The following PPEF2 variants were observed in gnomAD, a reference collection of about 807,000 sequenced individuals.
PPEF2 encodes serine/threonine-protein phosphatase with EF-hands 2.
PPEF2 carries 84 observed loss-of-function variants against 84.7 expected under a neutral mutation model. That is an observed-to-expected ratio of 0.99 (90% CI 0.83 to 1.19). The LOEUF (loss-of-function observed/expected upper bound fraction) is 1.19, where lower values mean the gene tolerates loss of function less well. Among genes scored for constraint, PPEF2 ranks in the 50% most tolerant of loss-of-function variants. The probability of loss-of-function intolerance (pLI) is 0.00; values close to 1 mark genes in which losing one functional copy is unlikely to be tolerated. For missense variants in PPEF2, 924 were observed against 937.5 expected (o/e 0.99, Z 0.19); for synonymous variants, 346 against 345.2 (o/e 1.00, Z -0.03).
chr4:75,878,535 A>T (rs1189796217), intron 10 of PPEF2, among the ~76,000 whole-genome samples: 1 of 152,250 alleles, frequency 6.6e-6, no homozygotes, highest in Non-Finnish European at 1.5e-5. Context: ...AGAACAAAGA[A>T]GGACACCCAG....
intron 1 of PPEF2, among the ~76,000 whole-genome samples, chr4:75,898,919 T>C (rs1578018913): frequency 6.6e-6 from 1 of 152,062 alleles, no homozygotes; most frequent in Non-Finnish European, 1.5e-5. Context: ...TTGTTAGATA[T>C]AGTCATGGTA....
At chr4:75,878,629 A>G (rs1422920784) in intron 10 of PPEF2, among the ~76,000 whole-genome samples, 1 of 152,208 alleles carries the variant, frequency 6.6e-6, no homozygotes, top group Non-Finnish European at 1.5e-5. Flanking sequence ...GACATTGGAC[A>G]AGCGTTAATC....
chr4:75,863,731 A>C (rs1724062493), intron 16 of PPEF2, among the ~76,000 whole-genome samples: 1 of 151,886 alleles, frequency 6.6e-6, no homozygotes, highest in African/African-American at 2.4e-5. Context: ...CTTCCTGTGA[A>C]TCTATAATTA....
intron 11 of PPEF2, among the ~76,000 whole-genome samples, chr4:75,874,123 CAAACAAATAAAT>C (rs1171152305): frequency 6.9e-5 from 7 of 101,158 alleles, no homozygotes; most frequent in African/African-American, 2.0e-4. Flanking sequence ...AACAAACAAA[CAAACAAATAAAT>C]AAATAAATAA....
intron 2 of PPEF2, among the ~76,000 whole-genome samples, chr4:75,894,999 G>A (rs531208309): frequency 6.6e-6 from 1 of 152,328 alleles, no homozygotes; most frequent in African/African-American, 2.4e-5. Context: ...CGGTCACCCA[G>A]GCTGGAGGGC....
chr4:75,890,550 C>T (rs1489292914), intron 4 of PPEF2, among the ~76,000 whole-genome samples: 5 of 151,144 alleles, frequency 3.3e-5, no homozygotes, highest in African/African-American at 9.7e-5. Flanking sequence ...AATCTGGCTT[C>T]AGCTTCAGCT....
At chr4:75,888,036 C>T (rs528471999) in intron 6 of PPEF2, among the ~76,000 whole-genome samples, 178 bp downstream of exon 6, 1 of 152,294 alleles carries the variant, frequency 6.6e-6, no homozygotes, top group South Asian at 2.1e-4. Flanking sequence ...CCCTTCGCTG[C>T]ACCACCACCT....
chr4:75,867,369 A>C lies in PPEF2; in HGVS notation c.1700T>G (p.Phe567Cys). 6.2e-7 allele frequency: 1 copy of C among 1,614,084 alleles called. No homozygotes were observed. Among genetic ancestry groups the C allele is most frequent in the Admixed American group, 1.7e-5 (1 of 60,014 alleles). ...SALRALREKL[F>C]AHSSDLLSEF... Reference sequence around the variant, plus strand: ...ACTGAGAAGATCTGAAGAATGAGCAAACAGCTTCTCCCTCAGAGCTCTCAG... The same window carrying C: ...ACTGAGAAGATCTGAAGAATGAGCACACAGCTTCTCCCTCAGAGCTCTCAG... Residue 567 changes from phenylalanine (F) to cysteine (C), a missense_variant, in exon 14 of 17, where the codon TTT becomes TGT. Physicochemically the swap from Phe to Cys is radical, Grantham distance 205. Transcript: ENST00000286719.
chr4:75,891,961 G>C lies in PPEF2; in HGVS notation c.73C>G (p.Leu25Val). ...NAERAFKAAA[L>V]IQRWYRRYVA... Reference sequence around the variant, plus strand: ...TAGCGCCGGTACCATCTCTGGATCAGGGCTGCTGCCTTGAAGGCTATGACA... The same window carrying C: ...TAGCGCCGGTACCATCTCTGGATCACGGCTGCTGCCTTGAAGGCTATGACA... Residue 25 changes from leucine to valine, a missense_variant, in exon 3 of 17, where the codon CTG becomes GTG. By Grantham distance (32) the Leu-to-Val change is conservative (BLOSUM62 1). Coordinates refer to ENST00000286719, the MANE Select transcript of PPEF2 (RefSeq NM_006239.3). 2 of 1,613,944 alleles carry C rather than the reference G, an allele frequency of 1.2e-6. No individual in the cohort carries two copies. The highest frequency in any genetic ancestry group is 1.1e-5 in the South Asian group (1 of 91,072).
chr4:75,891,575 T>G, intron 4 of PPEF2, 73 bp downstream of exon 4: 1 of 1,484,234 alleles, frequency 6.7e-7, no homozygotes, highest in East Asian at 2.3e-5. Flanking sequence ...TCACTCCCTG[T>G]GCATCCCCCA....
At chr4:75,891,621 A>T (rs752135010) in intron 4 of PPEF2, 27 bp downstream of exon 4, 1 of 1,585,254 alleles carries the variant, frequency 6.3e-7, no homozygotes, top group Admixed American at 1.8e-5. Flanking sequence ...CGACAGGAGG[A>T]CATGACATGT....
chr4:75,867,080 C>G (rs1429422870), intron 14 of PPEF2, among the ~76,000 whole-genome samples: 1 of 152,108 alleles, frequency 6.6e-6, no homozygotes, highest in Non-Finnish European at 1.5e-5. Flanking sequence ...TTCCCTGACT[C>G]TATTTGTTTT....
At chr4:75,872,211 G>A (rs751660553) in intron 12 of PPEF2, 44 bp from the exon 13 acceptor site, 1 of 1,588,468 alleles carries the variant, frequency 6.3e-7, no homozygotes, top group Middle Eastern at 1.7e-4. Context: ...ATTCACTGAA[G>A]AAACCTTCAC....
intron 13 of PPEF2, among the ~76,000 whole-genome samples, chr4:75,870,568 A>G (rs1224579213): frequency 6.6e-6 from 1 of 152,158 alleles, no homozygotes; most frequent in Non-Finnish European, 1.5e-5. Context: ...TAGCACTAAA[A>G]CTGTATCTGT....
chr4:75,887,535 C>T (rs1578012681), intron 6 of PPEF2, among the ~76,000 whole-genome samples: 1 of 150,136 alleles, frequency 6.7e-6, no homozygotes, highest in Admixed American at 6.7e-5. Context: ...GCAGGAGAAT[C>T]GTGTGAACCC....
At position 75,860,791 on chromosome 4, in the gene PPEF2, T is replaced by C. The variant is rs755459644; in HGVS notation, c.2138A>G (p.Asp713Gly). Residue 713 changes from aspartate (D) to glycine (G), a missense_variant, in exon 17 of 17, where the codon GAT (aspartate) becomes GGT (glycine). Asp to Gly is a moderately conservative substitution (Grantham distance 94). Coordinates refer to ENST00000286719, the MANE Select transcript of PPEF2 (RefSeq NM_006239.3). ...GAAGGCCTCCAGGAACTCATTGATATCAATGTGGCCATCTTTGTTGAAATC... is the reference window on the plus strand; with the variant it reads ...GAAGGCCTCCAGGAACTCATTGATACCAATGTGGCCATCTTTGTTGAAATC... Reference protein sequence around the residue: ...SIDFNKDGHIDINEFLEAFRL... With the variant: ...SIDFNKDGHIGINEFLEAFRL... 6.8e-6 allele frequency: 11 copies of C among 1,614,244 alleles called. No homozygotes were observed. Among genetic ancestry groups the C allele is most frequent in the South Asian group, 1.1e-5 (1 of 91,086 alleles).
intron 10 of PPEF2, among the ~76,000 whole-genome samples, chr4:75,877,413 G>A (rs1322247701): frequency 6.6e-6 from 1 of 151,708 alleles, no homozygotes; most frequent in East Asian, 1.9e-4. Context: ...AAGAAAGAAA[G>A]AGAGAGAAAG....
intron 10 of PPEF2, among the ~76,000 whole-genome samples, chr4:75,877,632 TGA>T (rs1393863667): frequency 1.3e-5 from 2 of 152,020 alleles, no homozygotes; most frequent in Non-Finnish European, 2.9e-5. Context: ...GTCAAGCACA[TGA>T]TCAGTGGGCT....
chr4:75,869,054 C>G (rs1388555229), intron 13 of PPEF2, among the ~76,000 whole-genome samples: 1 of 152,170 alleles, frequency 6.6e-6, no homozygotes, highest in Non-Finnish European at 1.5e-5. Flanking sequence ...AAACTCACCC[C>G]AAATTTCACA....
Sources: gnomAD v4.1 joint callset for allele counts (sites outside exome capture counted in the v4.1 genomes callset) on GRCh38, gnomAD v4.1.1 for gene constraint, MANE v1.5 for transcripts, NCBI Gene and HGNC (gene_info 2026-07-23, HGNC 2026-07-21) for gene names.